Variants in CUX2 observed in about 807,000 individuals in gnomAD.
CUX2 encodes homeobox protein cut-like 2.
In CUX2, 40 loss-of-function variants were observed where a neutral mutation model predicts 144.8. The observed-to-expected ratio is 0.28, with a 90% CI of 0.21 to 0.36. The LOEUF (loss-of-function observed/expected upper bound fraction) is 0.36, where lower values mean the gene tolerates loss of function less well. CUX2 is among the 10% of genes least tolerant of loss of function. CUX2 has a pLI of 1.00. For synonymous variants in CUX2, 827 were observed against 875.6 expected, an observed-to-expected ratio of 0.94 and a Z score of 0.98; for missense variants, 1,615 against 1,994.0, an observed-to-expected ratio of 0.81 and a Z score of 3.62.
chr12:111,201,498 T>C (rs1209674793), intron 1 of CUX2, among the ~76,000 whole-genome samples: 1 of 152,122 alleles, frequency 6.6e-6, no homozygotes, highest in Non-Finnish European at 1.5e-5. Flanking sequence ...TCTAGTGCCT[T>C]CCCCCAGGCC....
At chr12:111,259,679 T>C (rs769268509) in intron 3 of CUX2, among the ~76,000 whole-genome samples, 3 of 151,068 alleles carry the variant, frequency 2.0e-5, no homozygotes, top group Non-Finnish European at 4.4e-5. Flanking sequence ...GCTTGAGCAA[T>C]ATGTTGAAAC....
At chr12:111,054,131 G>A (rs1373253955) in intron 1 of CUX2, among the ~76,000 whole-genome samples, 1 of 152,192 alleles carries the variant, frequency 6.6e-6, no homozygotes, top group Non-Finnish European at 1.5e-5. Flanking sequence ...TCCAGCCTGG[G>A]TGACAGAACA....
intron 8 of CUX2, 23 bp from the exon 9 acceptor site, chr12:111,298,518 A>G: frequency 6.4e-7 from 1 of 1,564,456 alleles, no homozygotes; most frequent in Non-Finnish European, 8.7e-7. Flanking sequence ...GCCCTTCCTC[A>G]GGGCCTCATC....
At chr12:111,209,467 A>T (rs529360463) in intron 1 of CUX2, among the ~76,000 whole-genome samples, 6 of 152,226 alleles carry the variant, frequency 3.9e-5, no homozygotes, top group Non-Finnish European at 8.8e-5. Context: ...TCAAAAAGAG[A>T]ACCATAGGAG....
chr12:111,134,616 CTCTCTG>C (rs1875731730), intron 1 of CUX2, among the ~76,000 whole-genome samples: 3 of 145,228 alleles, frequency 2.1e-5, no homozygotes, highest in African/African-American at 8.4e-5. Flanking sequence ...CTCTCTCTCT[CTCTCTG>C]TGTGTGTGTG....
intron 4 of CUX2, 112 bp from the exon 5 acceptor site, chr12:111,291,306 C>T: frequency 7.5e-7 from 1 of 1,331,796 alleles, no homozygotes; most frequent in Non-Finnish European, 1.0e-6. Context: ...TTCCTGTAAG[C>T]CAGCGGGGTG....
chr12:111,063,893 A>G (rs1870912493), intron 1 of CUX2, among the ~76,000 whole-genome samples: 1 of 152,054 alleles, frequency 6.6e-6, no homozygotes, highest in South Asian at 2.1e-4. Context: ...AATTGGGTAA[A>G]TGTGTGTTTA....
intron 2 of CUX2, among the ~76,000 whole-genome samples, chr12:111,214,953 C>T (rs200632194): frequency 5.3e-4 from 81 of 152,254 alleles, no homozygotes; most frequent in African/African-American, 1.9e-3. Flanking sequence ...TCCATCCTCT[C>T]GCAGGCCCCC....
intron 8 of CUX2, 107 bp from the exon 9 acceptor site, chr12:111,298,434 G>A (rs1157482991): frequency 1.7e-6 from 2 of 1,152,716 alleles, no homozygotes; most frequent in Non-Finnish European, 2.5e-6. Flanking sequence ...CTGTAGCAAG[G>A]CCTTCAGCCC....
intron 1 of CUX2, among the ~76,000 whole-genome samples, chr12:111,142,927 G>A (rs987697604): frequency 1.3e-5 from 2 of 152,146 alleles, no homozygotes; most frequent in African/African-American, 2.4e-5. Flanking sequence ...CAATCAGAAG[G>A]GATCTGAGAT....
At chr12:111,227,973 G>A (rs943177824) in intron 3 of CUX2, among the ~76,000 whole-genome samples, 6 of 152,182 alleles carry the variant, frequency 3.9e-5, no homozygotes, top group Admixed American at 6.5e-5. Context: ...CCTACACAGC[G>A]CCAGCGGCAA....
At chr12:111,134,931 G>A (rs1875762586) in intron 1 of CUX2, among the ~76,000 whole-genome samples, 1 of 152,184 alleles carries the variant, frequency 6.6e-6, no homozygotes, top group Non-Finnish European at 1.5e-5. Context: ...GGACATGACA[G>A]GGACATGTCT....
intron 1 of CUX2, among the ~76,000 whole-genome samples, chr12:111,112,688 C>G (rs971393677): frequency 2.0e-5 from 3 of 152,186 alleles, no homozygotes; most frequent in Admixed American, 1.3e-4. Flanking sequence ...GTCCTGACTT[C>G]CATCTCCTGA....
chr12:111,154,033 T>C (rs145591926), intron 1 of CUX2, among the ~76,000 whole-genome samples: 3 of 152,298 alleles, frequency 2.0e-5, no homozygotes, highest in Non-Finnish European at 4.4e-5. Context: ...ACCACACTAA[T>C]GAGCTCATCT....
chr12:111,324,350 C>CAAA (rs763180221), intron 18 of CUX2, among the ~76,000 whole-genome samples: 3 of 73,118 alleles, frequency 4.1e-5, no homozygotes, highest in Non-Finnish European at 5.2e-5. Flanking sequence ...GACTCTGTCT[C>CAAA]AAAAAAAAAA....
intron 16 of CUX2, among the ~76,000 whole-genome samples, chr12:111,315,189 G>T (rs1280375827): frequency 6.6e-6 from 1 of 152,206 alleles, no homozygotes; most frequent in Non-Finnish European, 1.5e-5. Context: ...GCCGCTGCCA[G>T]GGAGGAAATG....
intron 1 of CUX2, among the ~76,000 whole-genome samples, chr12:111,115,083 C>T (rs896936512): frequency 3.3e-5 from 5 of 152,018 alleles, no homozygotes; most frequent in Admixed American, 3.3e-4. Context: ...ACAGTAAGTT[C>T]TGAAATTGGA....
chr12:111,273,910 C>A (rs1175039385), intron 4 of CUX2, among the ~76,000 whole-genome samples: 1 of 152,176 alleles, frequency 6.6e-6, no homozygotes, highest in African/African-American at 2.4e-5. Flanking sequence ...GCAGTCATTG[C>A]CCCATGCAAT....
intron 1 of CUX2, among the ~76,000 whole-genome samples, chr12:111,080,637 A>G (rs1378566610): frequency 6.6e-6 from 1 of 152,066 alleles, no homozygotes; most frequent in Admixed American, 6.5e-5. Context: ...GTACCACTGC[A>G]CTCCAACCTG....
Sources: gnomAD v4.1 joint callset for allele counts (sites outside exome capture counted in the v4.1 genomes callset) on GRCh38, gnomAD v4.1.1 for gene constraint, MANE v1.5 for transcripts, NCBI Gene and HGNC (gene_info 2026-07-23, HGNC 2026-07-21) for gene names.